Variants in USP10 observed in about 807,000 individuals in gnomAD.
USP10 encodes the protein ubiquitin carboxyl-terminal hydrolase 10.
A neutral mutation model predicts 84.5 loss-of-function variants in USP10; 22 were observed. The ratio of observed to expected loss-of-function variants is 0.26; its 90% CI spans 0.19 to 0.37. The LOEUF is 0.37. USP10 is among the 10% of genes least tolerant of loss of function. The probability of loss-of-function intolerance (pLI) is 1.00; values close to 1 mark genes in which losing one functional copy is unlikely to be tolerated. For synonymous variants in USP10, 454 were observed against 387.6 expected, an observed-to-expected ratio of 1.17 and a Z score of -2.01; for missense variants, 1,019 against 998.9, an observed-to-expected ratio of 1.02 and a Z score of -0.27.
chr16:84,760,974 A>C (rs1428893010), intron 8 of USP10, among the ~76,000 whole-genome samples: 1 of 152,218 alleles, frequency 6.6e-6, no homozygotes, highest in African/African-American at 2.4e-5. Flanking sequence ...TTGAAGCTTC[A>C]TTGCTTTGAA....
chr16:84,743,470 C>T (rs1319353801), intron 3 of USP10, among the ~76,000 whole-genome samples: 1 of 152,090 alleles, frequency 6.6e-6, no homozygotes, highest in Non-Finnish European at 1.5e-5. Context: ...TTCTAGGGGT[C>T]CTTTCAAGGT....
intron 1 of USP10, among the ~76,000 whole-genome samples, chr16:84,719,089 G>T (rs1907445684): frequency 6.6e-6 from 1 of 152,022 alleles, no homozygotes; most frequent in Non-Finnish European, 1.5e-5. Flanking sequence ...ACCGCGCCCG[G>T]CCAGTTTAGT....
intron 3 of USP10, among the ~76,000 whole-genome samples, chr16:84,743,614 A>G (rs1475743665): frequency 1.3e-5 from 2 of 152,214 alleles, no homozygotes; most frequent in African/African-American, 2.4e-5. Context: ...TAAAGATGAA[A>G]TATAAGGCAT....
intron 1 of USP10, among the ~76,000 whole-genome samples, chr16:84,712,285 A>ACTCTCC (rs1906411424): frequency 6.6e-6 from 1 of 152,164 alleles, no homozygotes; most frequent in African/African-American, 2.4e-5. Flanking sequence ...TAGCGGAAGG[A>ACTCTCC]AGACATGGCT....
chr16:84,774,513 C>T (rs1319301685), intron 12 of USP10, among the ~76,000 whole-genome samples: 2 of 151,856 alleles, frequency 1.3e-5, no homozygotes, highest in African/African-American at 2.4e-5. Flanking sequence ...CTCTGTCACC[C>T]AGGCTGGAGT....
At chr16:84,717,060 T>C (rs1472225484) in intron 1 of USP10, among the ~76,000 whole-genome samples, 2 of 152,182 alleles carry the variant, frequency 1.3e-5, no homozygotes, top group Non-Finnish European at 2.9e-5. Context: ...GCTGCGGGTC[T>C]TGTGAATGTG....
At position 84,749,847 on chromosome 16, in the gene USP10, G is replaced by C. The variant is rs189713519; in HGVS notation, c.1192+4174G>C. On this transcript the variant is annotated intron_variant, in intron 4 of 13. Transcript: ENST00000219473. ...TAACGGGTTCTACTTGGACCTTCTT[G>C]GTGGCAAGGCCATCTCCTCGGTGTA... 3.1e-3 allele frequency among the ~76,000 whole-genome samples: 478 copies of C among 152,222 alleles called. 1 individual carries two copies. Among genetic ancestry groups the C allele is most frequent in the Non-Finnish European group, 5.2e-3 (356 of 68,006 alleles).
chr16:84,756,762 A>G (rs1025494620), intron 4 of USP10, among the ~76,000 whole-genome samples: 9 of 152,210 alleles, frequency 5.9e-5, no homozygotes, highest in African/African-American at 2.2e-4. Flanking sequence ...TTATTTGAAA[A>G]TGCACCTTTT....
At chr16:84,741,078 C>G (rs1910566588) in intron 3 of USP10, among the ~76,000 whole-genome samples, 1 of 152,200 alleles carries the variant, frequency 6.6e-6, no homozygotes, top group Non-Finnish European at 1.5e-5. Flanking sequence ...AAACTGATGC[C>G]AAACTTTTTC....
chr16:84,742,572 A>G (rs7199123), intron 3 of USP10, among the ~76,000 whole-genome samples: 1 of 152,014 alleles, frequency 6.6e-6, no homozygotes, highest in Non-Finnish European at 1.5e-5. Context: ...CGTGGTTTTA[A>G]GAGCCTCTGC....
At chr16:84,770,075 C>G (rs915041968) in intron 11 of USP10, among the ~76,000 whole-genome samples, 1 of 152,112 alleles carries the variant, frequency 6.6e-6, no homozygotes, top group Non-Finnish European at 1.5e-5. Context: ...CGCCACTGCA[C>G]TCCAGCCTGT....
rs377070822 is a variant in USP10 at position 84,779,824 on chromosome 16, G to A, written c.*742G>A. On this transcript the variant is annotated 3_prime_UTR_variant, in exon 14 of 14. Transcript: ENST00000219473. Reference sequence around the variant, plus strand: ...TCTGCTCTGTTTAATTCTGCTGTCTGCTCTTCTCTAATGCTGCGTCCCTAA... The same window carrying A: ...TCTGCTCTGTTTAATTCTGCTGTCTACTCTTCTCTAATGCTGCGTCCCTAA... 1 of 152,514 alleles carries A rather than the reference G, an allele frequency of 6.6e-6. No homozygotes were observed. The highest frequency in any genetic ancestry group is 2.4e-5 in the African/African-American group (1 of 41,450). The allele number at this position is 152,514 out of a possible 1,614,324, so 9.4% of individuals were successfully genotyped here. A position where few individuals can be genotyped will look rare whatever the true frequency, so the allele number is the denominator to read the frequency against.
In USP10 at chr16:84,745,244, T is replaced by C; in HGVS notation, c.763T>C (p.Phe255Leu). The C allele has an allele frequency of 6.2e-7, 1 of 1,613,468 alleles. No individual in the cohort carries two copies. Among genetic ancestry groups the C allele is most frequent in the Non-Finnish European group, 8.5e-7 (1 of 1,179,626 alleles). The change falls in exon 4 of 14, where the codon TTC (phenylalanine) becomes CTC (leucine). Residue 255 changes from phenylalanine to leucine, a missense_variant. Physicochemically the swap from Phe to Leu is conservative, Grantham distance 22 (BLOSUM62 0). This residue lies in a region of USP10 where 787 missense variants were observed against 708.8 expected (regional missense o/e 1.11). Coordinates refer to ENST00000219473, the MANE Select transcript of USP10 (RefSeq NM_005153.3). ...CGGGGCTGATTTTGGTCAGTCCTGCTTCCCTGCAGAGGCTGGCAGAGACAC... is the reference window on the plus strand; with the variant it reads ...CGGGGCTGATTTTGGTCAGTCCTGCCTCCCTGCAGAGGCTGGCAGAGACAC... ...GPGADFGQSCFPAEAGRDTLS... is the reference protein window; with the variant it reads ...GPGADFGQSCLPAEAGRDTLS...
chr16:84,777,033 C>T (rs1473591156), intron 13 of USP10, among the ~76,000 whole-genome samples: 1 of 152,200 alleles, frequency 6.6e-6, no homozygotes, highest in East Asian at 1.9e-4. Context: ...GGCTGGAAGC[C>T]TATTCTGATC....
chr16:84,742,656 G>A (rs781241192), intron 3 of USP10, among the ~76,000 whole-genome samples: 6 of 152,176 alleles, frequency 3.9e-5, no homozygotes, highest in East Asian at 1.9e-4. Context: ...CGTGCAGGCC[G>A]TCCTGCACTT....
intron 4 of USP10, 81 bp downstream of exon 4, chr16:84,745,754 A>G (rs953875593): frequency 2.1e-5 from 29 of 1,404,630 alleles, no homozygotes; most frequent in Admixed American, 7.0e-5. Flanking sequence ...GGTGTTACCC[A>G]TAACAATGGC....
At chr16:84,757,777 G>A (rs1283438715) in intron 4 of USP10, among the ~76,000 whole-genome samples, 3 of 152,114 alleles carry the variant, frequency 2.0e-5, no homozygotes, top group Non-Finnish European at 2.9e-5. Flanking sequence ...ATGCTACCTG[G>A]CTCCTGTGTG....
At position 84,700,101 on chromosome 16, in the gene USP10, A is replaced by C; in HGVS notation, c.11A>C (p.His4Pro). ...ATGAAACGGGCAGCCATGGCCCTCC[A>C]CAGCCCGCAGGTAGCCGCCGGTCTG... MAL[H>P]SPQYIFGDFS... Residue 4 changes from histidine (H) to proline (P), a missense_variant, in exon 1 of 14, where the codon CAC (histidine) becomes CCC (proline). By Grantham distance (77) the His-to-Pro change is moderately conservative (BLOSUM62 -2). Around this residue, in one of 2 missense-constraint regions of USP10, gnomAD observed 787 missense variants for 708.8 expected, o/e 1.11. Transcript: ENST00000219473. 7.4e-7 allele frequency: 1 copy of C among 1,358,138 alleles called. No individual in the cohort carries two copies. The highest frequency in any genetic ancestry group is 9.7e-7 in the Non-Finnish European group (1 of 1,034,486). The allele number at this position is 1,358,138 out of a possible 1,614,324, so 84.1% of individuals were successfully genotyped here. A position where few individuals can be genotyped will look rare whatever the true frequency, so the allele number is the denominator to read the frequency against.
chr16:84,700,174 G>A, intron 1 of USP10, 63 bp downstream of exon 1: 1 of 1,171,144 alleles, frequency 8.5e-7, no homozygotes, highest in Non-Finnish European at 1.1e-6. Context: ...GGACGCCGCG[G>A]CGGGCGGGCG....
Sources: gnomAD v4.1 joint callset for allele counts (sites outside exome capture counted in the v4.1 genomes callset) on GRCh38, gnomAD v4.1.1 for gene constraint, gnomAD v4.1.1 regional missense constraint, MANE v1.5 for transcripts, NCBI Gene and HGNC (gene_info 2026-07-23, HGNC 2026-07-21) for gene names.